Variants in RAB35 observed in about 807,000 individuals in gnomAD.
The protein encoded by RAB35 is ras-related protein Rab-35.
Under a neutral mutation model 28.9 loss-of-function variants are expected in RAB35, and 4 were observed. The ratio of observed to expected loss-of-function variants is 0.14; its 90% CI spans 0.07 to 0.32. The LOEUF (loss-of-function observed/expected upper bound fraction) is 0.32, where lower values mean the gene tolerates loss of function less well. RAB35 is among the 10% of genes least tolerant of loss of function. The pLI is 1.00. For missense variants in RAB35, 128 were observed against 274.0 expected, an observed-to-expected ratio of 0.47 and a Z score of 3.76; for synonymous variants, 99 against 105.1, an observed-to-expected ratio of 0.94 and a Z score of 0.35.
chr12:120,102,464 G>C (rs747177672), intron 3 of RAB35, among the ~76,000 whole-genome samples: 10 of 152,178 alleles, frequency 6.6e-5, no homozygotes, highest in Admixed American at 1.3e-4. Context: ...GCTCATCAAC[G>C]GTCACCACAC....
rs760171048 is a variant in RAB35, at chr12:120,099,135, C to T, written c.247G>A (p.Gly83Arg). Residue 83 changes from glycine to arginine, a missense_variant, in exon 4 of 6, where the codon GGG (glycine) becomes AGG (arginine). Coordinates refer to ENST00000229340, the MANE Select transcript of RAB35 (RefSeq NM_006861.7). ...GTGACGTCGTAAACCACAATGACCC[C>T]GTGGGTCCCCCGATAATACCTGCAG... The part of the protein sequence containing the change: ...ITSTYYRGTH[G>R]VIVVYDVTSA... The T allele has an allele frequency of 1.9e-6, 3 of 1,614,260 alleles. No homozygotes were observed. The highest frequency in any genetic ancestry group is 1.7e-5 in the Admixed American group (1 of 60,032).
chr12:120,097,530 ATTATT>A (rs1253940396), intron 5 of RAB35, among the ~76,000 whole-genome samples, 157 bp from the exon 6 acceptor site: 1 of 152,226 alleles, frequency 6.6e-6, no homozygotes, highest in African/African-American at 2.4e-5. Context: ...GAGGTGGTGA[ATTATT>A]TTATTTAAAG....
Position 120,096,927 on chromosome 12 carries a change from G to T in RAB35, c.*318C>A, listed in dbSNP as rs1875428388. ...AAGGCAAAAGCCAGAGCAGGACGTG[G>T]TGTGCGGCCGGGTAGAGCAATATAC... is the stretch of plus-strand genomic sequence containing the variant. On this transcript the variant is annotated 3_prime_UTR_variant, in exon 6 of 6. Transcript: ENST00000229340. The T allele has an allele frequency of 1.5e-6, 2 of 1,352,928 alleles. No homozygotes were observed. The highest frequency in any genetic ancestry group is 2.9e-5 in the African/African-American group (2 of 68,424). 83.8% of individuals were successfully genotyped at this position (1,352,928 alleles called of 1,614,324 possible).
In RAB35 at chr12:120,097,112, C is replaced by T. The variant is rs1269533947; in HGVS notation, c.*133G>A. The T allele has an allele frequency of 6.3e-7, 1 of 1,595,806 alleles. No homozygotes were observed. Among genetic ancestry groups the T allele is most frequent in the East Asian group, 2.3e-5 (1 of 44,426 alleles). ...GGCGGGGGAGGAAGTGCCGATGGCA[C>T]CTCCCGATACAAAAACATGGAGAGA... On this transcript the variant is annotated 3_prime_UTR_variant, in exon 6 of 6. Coordinates refer to ENST00000229340, the MANE Select transcript of RAB35 (RefSeq NM_006861.7).
At chr12:120,112,599 TTTC>T (rs1335642216) in intron 1 of RAB35, among the ~76,000 whole-genome samples, 1 of 151,712 alleles carries the variant, frequency 6.6e-6, no homozygotes, top group Non-Finnish European at 1.5e-5. Flanking sequence ...CCCTGCTAAT[TTTC>T]TTCTTTTTGT....
intron 2 of RAB35, among the ~76,000 whole-genome samples, chr12:120,105,186 G>C (rs1385575364): frequency 6.6e-6 from 1 of 152,166 alleles, no homozygotes; most frequent in African/African-American, 2.4e-5. Context: ...TGAAAGAACA[G>C]GTAAGACTTC....
At chr12:120,109,557 A>AC (rs1226474015) in intron 1 of RAB35, among the ~76,000 whole-genome samples, 2 of 151,074 alleles carry the variant, frequency 1.3e-5, no homozygotes, top group African/African-American at 4.9e-5. Flanking sequence ...TGATCCTCTG[A>AC]CCTCAGCCTC....
In RAB35 at chr12:120,096,755, G is replaced by A. The variant is rs1339900381; in HGVS notation, c.*490C>T. 5.4e-6 allele frequency: 7 copies of A among 1,290,032 alleles called. No individual in the cohort carries two copies. Among genetic ancestry groups the A allele is most frequent in the Middle Eastern group, 2.1e-4 (1 of 4,722 alleles). The allele number at this position is 1,290,032 out of a possible 1,614,324, so 79.9% of individuals were successfully genotyped here. A position where few individuals can be genotyped will look rare whatever the true frequency, so the allele number is the denominator to read the frequency against. ...ACAGAGGCTGACAACCTGTCGGAGA[G>A]AATGAGCAACGCGGAGCCCACTCCA... On this transcript the variant is annotated 3_prime_UTR_variant, in exon 6 of 6. Transcript: ENST00000229340.
intron 1 of RAB35, among the ~76,000 whole-genome samples, chr12:120,110,312 T>G (rs1039465638): frequency 4.0e-5 from 6 of 150,152 alleles, no homozygotes; most frequent in Non-Finnish European, 7.4e-5. Context: ...TTTGGAGAGA[T>G]AGGGCCTTAC....
At position 120,096,334 on chromosome 12, in the gene RAB35, G is replaced by C. The variant is rs1050295466; in HGVS notation, c.*911C>G. 58 of 1,048,568 alleles carry C rather than the reference G, an allele frequency of 5.5e-5. No individual in the cohort carries two copies. In the South Asian group the frequency reaches 8.7e-4, roughly 16 times the overall value. The allele number at this position is 1,048,568 out of a possible 1,614,324, so 65.0% of individuals were successfully genotyped here. A position where few individuals can be genotyped will look rare whatever the true frequency, so the allele number is the denominator to read the frequency against. ...AAGTGGGGTGGCCTCAACTTTTGCT[G>C]CTGTGCCAATCAAACCTCAGGGAAA... On this transcript the variant is annotated 3_prime_UTR_variant, in exon 6 of 6. Transcript: ENST00000229340.
chr12:120,101,696 G>A (rs974208841), intron 3 of RAB35, among the ~76,000 whole-genome samples: 3 of 152,218 alleles, frequency 2.0e-5, no homozygotes, highest in African/African-American at 4.8e-5. Flanking sequence ...GGGCCAGAGC[G>A]GGACTCTAAG....
intron 1 of RAB35, among the ~76,000 whole-genome samples, chr12:120,113,379 A>C (rs1876198890): frequency 6.6e-6 from 1 of 151,856 alleles, no homozygotes; most frequent in Non-Finnish European, 1.5e-5. Flanking sequence ...CACACAAGTC[A>C]CGCCCCCTCT....
intron 2 of RAB35, among the ~76,000 whole-genome samples, chr12:120,106,889 C>T (rs974214811): frequency 1.4e-5 from 2 of 147,450 alleles, no homozygotes; most frequent in Non-Finnish European, 3.0e-5. Context: ...GCCTGGCCAA[C>T]GGAATCACTT....
At chr12:120,108,615 C>G (rs781522757) in intron 1 of RAB35, 148 bp from the exon 2 acceptor site, 1 of 743,830 alleles carries the variant, frequency 1.3e-6, no homozygotes, top group East Asian at 2.7e-5. Flanking sequence ...TTCCACCTCC[C>G]TGAGCGGCCA....
intron 2 of RAB35, among the ~76,000 whole-genome samples, chr12:120,106,210 A>C (rs1406130061): frequency 6.6e-6 from 1 of 152,182 alleles, no homozygotes; most frequent in Non-Finnish European, 1.5e-5. Flanking sequence ...GGGAGGGAGG[A>C]GGCCATTAAG....
intron 1 of RAB35, among the ~76,000 whole-genome samples, chr12:120,111,557 T>C (rs1190536654): frequency 6.6e-6 from 1 of 152,072 alleles, no homozygotes; most frequent in Non-Finnish European, 1.5e-5. Context: ...GGTGCGTGCC[T>C]GTAATCCCAG....
At chr12:120,104,301 G>A (rs1594240689) in intron 2 of RAB35, among the ~76,000 whole-genome samples, 1 of 152,138 alleles carries the variant, frequency 6.6e-6, no homozygotes, top group African/African-American at 2.4e-5. Context: ...GTAGACCTAC[G>A]GGCACTCTGG....
intron 4 of RAB35, 21 bp downstream of exon 4, chr12:120,099,009 C>A (rs368841481): frequency 6.2e-7 from 1 of 1,614,176 alleles, no homozygotes; most frequent in East Asian, 2.2e-5. Flanking sequence ...AACCCCGACC[C>A]GGCCCTGAGT....
rs2139043486 is a variant in RAB35 at position 120,095,244 on chromosome 12, G to C, written c.*2001C>G. ...TCAGGTCCACTAGGACGTCGGTCCA[G>C]CCCTGAGTCCCCACCCCCACCCCAT... On this transcript the variant is annotated 3_prime_UTR_variant, in exon 6 of 6. Transcript: ENST00000229340. 6.5e-6 allele frequency: 1 copy of C among 152,674 alleles called. No homozygotes were observed. The highest frequency in any genetic ancestry group is 1.9e-4 in the East Asian group (1 of 5,170). 9.5% of individuals were successfully genotyped at this position (152,674 alleles called of 1,614,324 possible). A position where few individuals can be genotyped will look rare whatever the true frequency, so the allele number is the denominator to read the frequency against.
Sources: gnomAD v4.1 joint callset for allele counts (sites outside exome capture counted in the v4.1 genomes callset) on GRCh38, gnomAD v4.1.1 for gene constraint, MANE v1.5 for transcripts, NCBI Gene and HGNC (gene_info 2026-07-23, HGNC 2026-07-21) for gene names.